The following COL22A1 variants were observed in gnomAD, a reference collection of about 807,000 sequenced individuals.
COL22A1 encodes the protein collagen type XXII alpha 1 chain.
Under a neutral mutation model 248.9 loss-of-function variants are expected in COL22A1, and 221 were observed. The ratio of observed to expected loss-of-function variants is 0.89; its 90% CI spans 0.80 to 0.99. The LOEUF (loss-of-function observed/expected upper bound fraction) is 0.99. Ranked by LOEUF, COL22A1 falls within the 50% of genes least tolerant of loss-of-function variation. The probability of loss-of-function intolerance (pLI) is 0.00; values close to 1 mark genes in which losing one functional copy is unlikely to be tolerated. For missense variants in COL22A1, 2,240 were observed against 2,179.0 expected (o/e 1.03, Z -0.56); for synonymous variants, 891 against 793.4 (o/e 1.12, Z -2.07).
At chr8:138,777,579 TC>T (rs1814588330) in intron 15 of COL22A1, among the ~76,000 whole-genome samples, 1 of 152,226 alleles carries the variant, frequency 6.6e-6, no homozygotes. Flanking sequence ...CCATGTGTTC[TC>T]ATTGTTCAAC....
chr8:138,800,915 CAT>C (rs1197150229), intron 11 of COL22A1, among the ~76,000 whole-genome samples: 2 of 152,312 alleles, frequency 1.3e-5, no homozygotes, highest in Admixed American at 6.5e-5. Flanking sequence ...TAAAAAACCA[CAT>C]GTGTATGAGT....
At chr8:138,881,303 A>AAAG (rs1824186447) in intron 2 of COL22A1, among the ~76,000 whole-genome samples, 1 of 151,654 alleles carries the variant, frequency 6.6e-6, no homozygotes, top group Non-Finnish European at 1.5e-5. Flanking sequence ...GGCTCAGAAA[A>AAAG]AAAAAAAAAA....
At chr8:138,836,762 G>C (rs573319838) in intron 4 of COL22A1, among the ~76,000 whole-genome samples, 1 of 152,194 alleles carries the variant, frequency 6.6e-6, no homozygotes, top group African/African-American at 2.4e-5. Flanking sequence ...GCCATGGCTG[G>C]GAAGAGTCCC....
intron 41 of COL22A1, among the ~76,000 whole-genome samples, chr8:138,673,544 G>A (rs1009132960): frequency 2.0e-5 from 3 of 152,098 alleles, no homozygotes; most frequent in Non-Finnish European, 4.4e-5. Flanking sequence ...CTTCTTTGAG[G>A]GATCTCACAG....
chr8:138,820,932 C>T (rs183180176), intron 7 of COL22A1, among the ~76,000 whole-genome samples: 152 of 152,202 alleles, frequency 1.0e-3, no homozygotes, highest in African/African-American at 3.3e-3. Flanking sequence ...GTTGAATAAC[C>T]GAATGAGTTA....
chr8:138,706,676 G>A (rs1748366086), intron 30 of COL22A1, among the ~76,000 whole-genome samples: 1 of 152,188 alleles, frequency 6.6e-6, no homozygotes, highest in Admixed American at 6.5e-5. Flanking sequence ...ATGCCCACAA[G>A]AGAAAGCAGG....
rs1173420528 is a variant in COL22A1 at position 138,652,749 on chromosome 8, T to TTTTTTTTTTC, written c.3334-2972_3334-2971insGAAAAAAAAA. 2.7e-4 allele frequency among the ~76,000 whole-genome samples: 29 copies of TTTTTTTTTTC among 107,920 alleles called. 1 individual carries two copies. Among genetic ancestry groups the TTTTTTTTTTC allele is most frequent in the Admixed American group, 3.9e-4 (4 of 10,338 alleles). 70.8% of individuals were successfully genotyped at this position (107,920 alleles called of 152,430 possible). ...TTCCTTTTCTGGTTTTTTTTTTTTT[T>TTTTTTTTTTC]TTTTTTTTTTTTTTGGAGACAGAGT... On this transcript the variant is annotated intron_variant, in intron 45 of 64. Transcript: ENST00000303045.
chr8:138,811,750 T>G, intron 9 of COL22A1, 49 bp downstream of exon 9: 1 of 1,611,316 alleles, frequency 6.2e-7, no homozygotes, highest in Non-Finnish European at 8.5e-7. Context: ...AAACTCCCAC[T>G]GCACCACCCA....
At chr8:138,660,973 C>A (rs1483868263) in intron 43 of COL22A1, among the ~76,000 whole-genome samples, 1 of 65,934 alleles carries the variant, frequency 1.5e-5, no homozygotes, top group African/African-American at 4.1e-5. Context: ...CGCACACACA[C>A]ATACACACAC....
intron 9 of COL22A1, among the ~76,000 whole-genome samples, chr8:138,810,085 T>C (rs971798156): frequency 2.0e-5 from 3 of 152,034 alleles, no homozygotes; most frequent in Non-Finnish European, 4.4e-5. Flanking sequence ...TAGCAGGTGC[T>C]AAATGAATAA....
intron 41 of COL22A1, among the ~76,000 whole-genome samples, chr8:138,672,818 T>A (rs1825149316): frequency 6.6e-6 from 1 of 152,166 alleles, no homozygotes; most frequent in South Asian, 2.1e-4. Flanking sequence ...ATCAGGAAAC[T>A]GAGGGCCCGA....
chr8:138,618,642 C>A (rs1242966783), intron 53 of COL22A1, among the ~76,000 whole-genome samples: 1 of 151,930 alleles, frequency 6.6e-6, no homozygotes, highest in African/African-American at 2.4e-5. Flanking sequence ...TGAATACGAG[C>A]CAGGAGGTTG....
At chr8:138,672,850 G>C (rs1215513283) in intron 41 of COL22A1, among the ~76,000 whole-genome samples, 1 of 152,198 alleles carries the variant, frequency 6.6e-6, no homozygotes, top group Non-Finnish European at 1.5e-5. Context: ...CAAGTCCTGG[G>C]TTACATGTGG....
At chr8:138,729,604 A>G (rs1830563723) in intron 23 of COL22A1, among the ~76,000 whole-genome samples, 1 of 152,212 alleles carries the variant, frequency 6.6e-6, no homozygotes, top group South Asian at 2.1e-4. Context: ...CTCTTCCAGG[A>G]GGGATCACAA....
intron 62 of COL22A1, among the ~76,000 whole-genome samples, chr8:138,596,173 T>C (rs1817526266): frequency 6.6e-6 from 1 of 152,206 alleles, no homozygotes; most frequent in Non-Finnish European, 1.5e-5. Flanking sequence ...GTTGGCACGA[T>C]TACTACTATC....
At chr8:138,803,913 C>T (rs909903444) in intron 10 of COL22A1, among the ~76,000 whole-genome samples, 2 of 152,178 alleles carry the variant, frequency 1.3e-5, no homozygotes, top group African/African-American at 4.8e-5. Context: ...TGATGCCCTT[C>T]CCTGCCTCCT....
rs542831633 is a variant in COL22A1, at chr8:138,691,668, T to C, written c.2755-794A>G. On this transcript the variant is annotated intron_variant, in intron 35 of 64. Transcript: ENST00000303045. ...GTGCGTGTATGCATGTTTGTGGGGG[T>C]GTGTATATGTGTACAGTGCATGTGT... 2.6e-4 allele frequency among the ~76,000 whole-genome samples: 36 copies of C among 140,712 alleles called. No homozygotes were observed. The Admixed American group carries it at 2.6e-3, about 10-fold the overall frequency. 92.3% of individuals were successfully genotyped at this position (140,712 alleles called of 152,430 possible). A position where few individuals can be genotyped will look rare whatever the true frequency, so the allele number is the denominator to read the frequency against.
chr8:138,802,967 T>G (rs1234036840), intron 10 of COL22A1, 33 bp from the exon 11 acceptor site: 1 of 1,583,440 alleles, frequency 6.3e-7, no homozygotes, highest in South Asian at 1.1e-5. Flanking sequence ...AAGCATCAGA[T>G]TAGGTTTCCC....
At chr8:138,708,778 T>A (rs1307906637) in intron 30 of COL22A1, among the ~76,000 whole-genome samples, 1 of 152,144 alleles carries the variant, frequency 6.6e-6, no homozygotes, top group Non-Finnish European at 1.5e-5. Flanking sequence ...AAAGCCAAAA[T>A]TGACAAATGG....
Sources: gnomAD v4.1 joint callset for allele counts (sites outside exome capture counted in the v4.1 genomes callset) on GRCh38, gnomAD v4.1.1 for gene constraint, MANE v1.5 for transcripts, NCBI Gene and HGNC (gene_info 2026-07-23, HGNC 2026-07-21) for gene names.